RRP1: variants seen among roughly 807,000 people sequenced by gnomAD.
The protein encoded by RRP1 is ribosomal RNA processing 1.
Under a neutral mutation model 54.6 loss-of-function variants are expected in RRP1, and 37 were observed. The observed-to-expected ratio is 0.68, with a 90% CI of 0.52 to 0.89. The LOEUF (loss-of-function observed/expected upper bound fraction) is 0.89. Ranked by LOEUF, RRP1 falls within the 40% of genes least tolerant of loss-of-function variation. The pLI is 0.00. For missense variants in RRP1, 639 were observed against 612.5 expected (o/e 1.04, Z -0.46); for synonymous variants, 262 against 244.3 (o/e 1.07, Z -0.67).
intron 4 of RRP1, among the ~76,000 whole-genome samples, chr21:43,793,773 G>A (rs896498508): frequency 2.0e-5 from 3 of 152,218 alleles, no homozygotes; most frequent in African/African-American, 7.2e-5. Flanking sequence ...CCTAGCATGA[G>A]CCCTGGAGTG....
At position 43,800,569 on chromosome 21, in the gene RRP1, G is replaced by A. The variant is rs755826699; in HGVS notation, c.944G>A (p.Ser315Asn). ...NRLFEMASRQSTPSQNRKRLY... is the reference protein window; with the variant it reads ...NRLFEMASRQNTPSQNRKRLY... ...CTGTTTGAAATGGCCAGCCGCCAGA[G>A]CACCCCTTCTCAGAACAGAAAGCGT... is the stretch of plus-strand genomic sequence containing the variant. Residue 315 changes from serine to asparagine, a missense_variant, in exon 10 of 13, where the codon AGC becomes AAC. Physicochemically the swap from Ser to Asn is conservative, Grantham distance 46. Transcript: ENST00000497547. The A allele has an allele frequency of 6.2e-7, 1 of 1,614,268 alleles. No homozygotes were observed. Among genetic ancestry groups the A allele is most frequent in the South Asian group, 1.1e-5 (1 of 91,092 alleles).
chr21:43,801,645 T>C (rs897257646), intron 11 of RRP1, among the ~76,000 whole-genome samples: 5 of 152,162 alleles, frequency 3.3e-5, no homozygotes, highest in African/African-American at 4.8e-5. Context: ...CTAATTGTTG[T>C]ATTTTTTGTA....
In RRP1 at chr21:43,792,738, G is replaced by A. The variant is rs1179278563; in HGVS notation, c.274+9G>A. Reference sequence around the variant, plus strand: ...TCAGACCACGGAGGCGCGTGAGTATGCTCTGCTGTAGTTGGGTGCATTTGT... The same window carrying A: ...TCAGACCACGGAGGCGCGTGAGTATACTCTGCTGTAGTTGGGTGCATTTGT... On this transcript the variant is annotated intron_variant, in intron 3 of 12. Transcript: ENST00000497547. The A allele has an allele frequency of 1.9e-6, 3 of 1,613,992 alleles. No individual in the cohort carries two copies. Among genetic ancestry groups the A allele is most frequent in the Non-Finnish European group, 2.5e-6 (3 of 1,179,862 alleles).
chr21:43,789,876 C>CG, intron 1 of RRP1, 114 bp downstream of exon 1: 1 of 1,278,962 alleles, frequency 7.8e-7, no homozygotes, highest in Non-Finnish European at 1.0e-6. Context: ...TCCACGTGGC[C>CG]GGGCCGGGCA....
chr21:43,801,279 G>A (rs1213796497), intron 11 of RRP1, among the ~76,000 whole-genome samples: 3 of 152,272 alleles, frequency 2.0e-5, no homozygotes, highest in South Asian at 2.1e-4. Context: ...AGACGTAGGC[G>A]TTTCCCCTGG....
intron 1 of RRP1, among the ~76,000 whole-genome samples, chr21:43,790,234 C>T (rs753063854): frequency 1.3e-5 from 2 of 152,224 alleles, no homozygotes; most frequent in African/African-American, 2.4e-5. Flanking sequence ...GCGTGGTCCC[C>T]CATCAGCAGT....
At chr21:43,793,946 C>T (rs2084987926) in intron 4 of RRP1, among the ~76,000 whole-genome samples, 2 of 152,168 alleles carry the variant, frequency 1.3e-5, no homozygotes, top group South Asian at 2.1e-4. Flanking sequence ...CTCTCCTTCC[C>T]TCCTTCCCTC....
Position 43,800,799 on chromosome 21 carries a change from G to A in RRP1, c.990-63G>A, listed in dbSNP as rs149818702. Reference sequence around the variant, plus strand: ...CTAGGAACCTGCAGCCGCTCTAGCTGGAGCTTCCTCCTCCTGCGGAAGCCG... The same window carrying A: ...CTAGGAACCTGCAGCCGCTCTAGCTAGAGCTTCCTCCTCCTGCGGAAGCCG... On this transcript the variant is annotated intron_variant, in intron 10 of 12. Coordinates refer to ENST00000497547, the MANE Select transcript of RRP1 (RefSeq NM_003683.6). 1.9e-6 allele frequency: 3 copies of A among 1,607,978 alleles called. No homozygotes were observed. The African/African-American group carries it at 4.0e-5, about 21-fold the overall frequency.
At chr21:43,797,225 C>A in intron 5 of RRP1, 197 bp from the exon 6 acceptor site, 2 of 818,830 alleles carry the variant, frequency 2.4e-6, no homozygotes, top group African/African-American at 1.7e-5. Flanking sequence ...TCCCTAACTG[C>A]AAGACTGCCT....
At chr21:43,800,368 C>A in intron 9 of RRP1, 149 bp from the exon 10 acceptor site, 1 of 681,460 alleles carries the variant, frequency 1.5e-6, no homozygotes, top group South Asian at 1.7e-5. Flanking sequence ...AGCTGCAGGA[C>A]CCTCAGTGAG....
Position 43,803,592 on chromosome 21 carries a change from G to A in RRP1, c.1204G>A (p.Ala402Thr). ...GAGGGGTGTAGGGGCCGACCCCGAG[G>A]CGCGGGCAGAGGCTGGTGAGCAGCC... ...RRRGVGADPEARAEAGEQPGT... is the reference protein window; with the variant it reads ...RRRGVGADPETRAEAGEQPGT... The change falls in exon 13 of 13, where the codon GCG (alanine) becomes ACG (threonine). Residue 402 changes from alanine (A) to threonine (T), a missense_variant. Physicochemically the swap from Ala to Thr is moderately conservative, Grantham distance 58 (BLOSUM62 0). Coordinates refer to ENST00000497547, the MANE Select transcript of RRP1 (RefSeq NM_003683.6). The A allele has an allele frequency of 6.4e-7, 1 of 1,552,408 alleles. No individual in the cohort carries two copies.
intron 5 of RRP1, among the ~76,000 whole-genome samples, chr21:43,797,106 A>G (rs1537118): frequency 0.22 from 34,051 of 152,100 alleles, 4,273 homozygotes; most frequent in African/African-American, 0.32. Context: ...CTCTGCTAGC[A>G]ATCTTGAGGA....
chr21:43,791,943 C>T (rs2084964225), intron 2 of RRP1, among the ~76,000 whole-genome samples: 1 of 152,158 alleles, frequency 6.6e-6, no homozygotes, highest in African/African-American at 2.4e-5. Flanking sequence ...TTGACTGAGC[C>T]GTGCACTGCA....
At position 43,804,464 on chromosome 21, in the gene RRP1, A is replaced by C. The variant is rs2085125054; in HGVS notation, c.*690A>C. The C allele has an allele frequency of 1.3e-5, 2 of 152,224 alleles. No individual in the cohort carries two copies. The highest frequency in any genetic ancestry group is 2.9e-5 in the Non-Finnish European group (2 of 68,074). 9.4% of individuals were successfully genotyped at this position (152,224 alleles called of 1,614,324 possible). On this transcript the variant is annotated 3_prime_UTR_variant, in exon 13 of 13. Transcript: ENST00000497547. This position sits in a 1 kb window ranked among gnomAD's most constrained non-coding sequence, Gnocchi z 4.3. ...CGCACCTCTTTCCCTCAGCCAGGTC[A>C]CCCTCAGCGTCCTCCCTGCCCCTCT...
rs1486454584 is a variant in RRP1, at chr21:43,797,674, G to T, written c.596G>T (p.Arg199Ile). Residue 199 changes from arginine (R) to isoleucine (I), a missense_variant, in exon 7 of 13, where the codon AGA becomes ATA. Physicochemically the swap from Arg to Ile is moderately conservative, Grantham distance 97. Transcript: ENST00000497547. ...QNLKFIDPFC[R>I]IAARTKDSLV... ...CTGAAGTTCATCGACCCCTTCTGCA[G>T]AATTGCTGCCCGGACCAAGGAGTAA... The T allele has an allele frequency of 1.9e-6, 3 of 1,614,058 alleles. No homozygotes were observed. Among genetic ancestry groups the T allele is most frequent in the Non-Finnish European group, 2.5e-6 (3 of 1,180,040 alleles).
chr21:43,803,296 C>A (rs548720069), intron 12 of RRP1, among the ~76,000 whole-genome samples: 1 of 152,354 alleles, frequency 6.6e-6, no homozygotes, highest in South Asian at 2.1e-4. Flanking sequence ...TGACCCTGTC[C>A]TCACGCTGGT....
intron 5 of RRP1, among the ~76,000 whole-genome samples, chr21:43,795,918 G>C (rs1001410340): frequency 1.3e-5 from 2 of 152,208 alleles, no homozygotes; most frequent in African/African-American, 4.8e-5. Context: ...GAGGCGGGCA[G>C]ATCACAAGGT....
At chr21:43,801,166 G>C (rs1442227121) in intron 11 of RRP1, among the ~76,000 whole-genome samples, 7 of 152,242 alleles carry the variant, frequency 4.6e-5, no homozygotes, top group Admixed American at 3.3e-4. Flanking sequence ...CGGTGCTGCT[G>C]CTGGTCTGTT....
intron 10 of RRP1, 77 bp from the exon 11 acceptor site, chr21:43,800,785 C>A (rs1187526227): frequency 1.3e-6 from 2 of 1,596,818 alleles, no homozygotes; most frequent in Non-Finnish European, 1.7e-6. Context: ...TAGGAACCTG[C>A]AGCCGCTCTA....
Sources: gnomAD v4.1 joint callset for allele counts (sites outside exome capture counted in the v4.1 genomes callset) on GRCh38, gnomAD v4.1.1 for gene constraint, Gnocchi (gnomAD v3.1) non-coding constraint, MANE v1.5 for transcripts, NCBI Gene and HGNC (gene_info 2026-07-23, HGNC 2026-07-21) for gene names.